MTAP: variants seen among roughly 807,000 people sequenced by gnomAD.
MTAP encodes methylthioadenosine phosphorylase, also known as S-methyl-5'-thioadenosine phosphorylase.
MTAP carries 33 observed loss-of-function variants against 33.6 expected under a neutral mutation model. That is an observed-to-expected ratio of 0.98 (90% CI 0.74 to 1.31). MTAP has a LOEUF of 1.31. Ranked by LOEUF, MTAP falls within the 40% of genes most tolerant of loss-of-function variation. The pLI, the probability that MTAP is intolerant of heterozygous loss-of-function variation, is 0.00. For synonymous variants in MTAP, 148 were observed against 125.7 expected, an observed-to-expected ratio of 1.18 and a Z score of -1.19; for missense variants, 367 against 360.0, an observed-to-expected ratio of 1.02 and a Z score of -0.16.
chr9:21,924,891 C>G (rs1818845161), intron 1 of MTAP, among the ~76,000 whole-genome samples: 1 of 152,232 alleles, frequency 6.6e-6, no homozygotes, highest in Non-Finnish European at 1.5e-5. Flanking sequence ...ACAAATGCAT[C>G]AAAGGGTTCC....
intron 1 of MTAP, among the ~76,000 whole-genome samples, chr9:21,898,699 G>T (rs1254978590): frequency 6.6e-6 from 1 of 152,166 alleles, no homozygotes; most frequent in East Asian, 1.9e-4. Flanking sequence ...TCTCACACCA[G>T]TTAGAATGGC....
chr9:21,889,493 G>T (rs1269446395), intron 1 of MTAP, among the ~76,000 whole-genome samples: 1 of 151,946 alleles, frequency 6.6e-6, no homozygotes, highest in African/African-American at 2.4e-5. Context: ...TTGTTTCTCT[G>T]TTTTCTTCTC....
rs1824530237 is a variant in MTAP at position 21,818,107 on chromosome 9, G to T, written c.252G>T (p.Glu84Asp). Reference sequence around the variant, plus strand: ...CGAACATCTGGGCTTTGAAGGAAGAGGGCTGTACACATGTCATAGTGACCA... The same window carrying T: ...CGAACATCTGGGCTTTGAAGGAAGATGGCTGTACACATGTCATAGTGACCA... Reference protein sequence around the residue: ...YQANIWALKEEGCTHVIVTTA... With the variant: ...YQANIWALKEDGCTHVIVTTA... The change falls in exon 4 of 8, where the codon GAG becomes GAT. Residue 84 changes from glutamate to aspartate, a missense_variant. Transcript: ENST00000644715. The T allele has an allele frequency of 6.2e-7, 1 of 1,613,848 alleles. No individual in the cohort carries two copies.
Position 21,888,510 on chromosome 9 carries a change from C to T in MTAP, c.147+33640C>T, listed in dbSNP as rs186348943. Among the ~76,000 whole-genome samples, 254 of 151,984 alleles carry T rather than the reference C, an allele frequency of 1.7e-3. 3 individuals are homozygous for T. Among genetic ancestry groups the T allele is most frequent in the Admixed American group, 0.014 (213 of 15,252 alleles). On this transcript the variant is annotated intron_variant, in intron 1 of 1. Coordinates refer to the MTAP transcript ENST00000577563. ...TAAAATTGGAACCTCCAGTGTTAGGCGTATATATATTTTGGATTATGATAT... is the reference window on the plus strand; with the variant it reads ...TAAAATTGGAACCTCCAGTGTTAGGTGTATATATATTTTGGATTATGATAT...
At chr9:21,917,702 A>G (rs1818713174) in intron 1 of MTAP, among the ~76,000 whole-genome samples, 1 of 152,190 alleles carries the variant, frequency 6.6e-6, no homozygotes, top group Non-Finnish European at 1.5e-5. Context: ...AAAGAACTAA[A>G]AGTAGAACTA....
intron 4 of MTAP, among the ~76,000 whole-genome samples, chr9:21,835,225 C>T (rs536316964): frequency 2.6e-5 from 4 of 152,286 alleles, no homozygotes; most frequent in Non-Finnish European, 4.4e-5. Flanking sequence ...CAAAAGGCTC[C>T]ATCTCCTAAT....
rs1825857031 is a variant in MTAP at position 21,866,583 on chromosome 9, T to G, written c.*4569T>G. ...TTATCTGTGAATCTGGATGATCTAT[T>G]TATGTCATTTATCTATGTGTCTCTT... On this transcript the variant is annotated 3_prime_UTR_variant, in exon 8 of 8. Transcript: ENST00000644715. 1 of 152,160 alleles carries G rather than the reference T, an allele frequency of 6.6e-6. No homozygotes were observed. Among genetic ancestry groups the G allele is most frequent in the African/African-American group, 2.4e-5 (1 of 41,464 alleles). The allele number at this position is 152,160 out of a possible 1,614,324, so 9.4% of individuals were successfully genotyped here.
At chr9:21,913,553 G>T (rs1818622798) in intron 1 of MTAP, among the ~76,000 whole-genome samples, 1 of 152,210 alleles carries the variant, frequency 6.6e-6, no homozygotes, top group Non-Finnish European at 1.5e-5. Context: ...AATAAATGGT[G>T]CTGGGAAAAC....
At chr9:21,905,887 A>C (rs145766989) in intron 1 of MTAP, among the ~76,000 whole-genome samples, 4 of 152,232 alleles carry the variant, frequency 2.6e-5, no homozygotes, top group Non-Finnish European at 5.9e-5. Flanking sequence ...GACAACACTT[A>C]TATTACCATA....
At chr9:21,904,108 C>T (rs1337100007) in intron 1 of MTAP, among the ~76,000 whole-genome samples, 1 of 152,136 alleles carries the variant, frequency 6.6e-6, no homozygotes, top group Non-Finnish European at 1.5e-5. Flanking sequence ...GGGCTGTCCT[C>T]CGACTGCCCT....
At chr9:21,849,496 A>G (rs1314958694) in intron 5 of MTAP, among the ~76,000 whole-genome samples, 1 of 152,162 alleles carries the variant, frequency 6.6e-6, no homozygotes, top group African/African-American at 2.4e-5. Flanking sequence ...CAGTGCCAGA[A>G]TGCATAACTG....
At chr9:21,893,550 G>A (rs931566087) in intron 1 of MTAP, 3 of 151,894 alleles carry the variant, frequency 2.0e-5, no homozygotes, top group Admixed American at 2.0e-4. Flanking sequence ...AAAGACAATC[G>A]GAAATGACCA....
At chr9:21,859,479 T>C (rs1181869712) in intron 7 of MTAP, 54 bp downstream of exon 7, 1 of 1,529,944 alleles carries the variant, frequency 6.5e-7, no homozygotes, top group Non-Finnish European at 8.8e-7. Context: ...TATTGTCTTC[T>C]TTTCTTACTT....
At chr9:21,810,481 A>G (rs1039952940) in intron 1 of MTAP, among the ~76,000 whole-genome samples, 3 of 152,162 alleles carry the variant, frequency 2.0e-5, no homozygotes, top group Non-Finnish European at 2.9e-5. Context: ...AACTAATCCA[A>G]CCCAATGAGA....
chr9:21,825,230 G>T (rs1164506580), intron 4 of MTAP, among the ~76,000 whole-genome samples: 1 of 152,092 alleles, frequency 6.6e-6, no homozygotes, highest in African/African-American at 2.4e-5. Context: ...TTCCTATTAG[G>T]CCATCTTGGA....
rs143061600 is a variant in MTAP, at chr9:21,806,296, T to C, written c.33+3515T>C. Among the ~76,000 whole-genome samples the C allele has an allele frequency of 7.4e-3, 1,128 of 151,952 alleles. 12 individuals carry two copies. Among genetic ancestry groups the C allele is most frequent in the African/African-American group, 0.025 (1,019 of 41,432 alleles). ...TTTGCAGGTAGAACACAGAGATGGA[T>C]AAGATGTGGGGAGTGCAGGAAGAAG... On this transcript the variant is annotated intron_variant, in intron 1 of 7. Transcript: ENST00000644715.
At chr9:21,821,484 G>C (rs565237880) in intron 4 of MTAP, among the ~76,000 whole-genome samples, 8 of 152,226 alleles carry the variant, frequency 5.3e-5, no homozygotes, top group South Asian at 2.1e-4. Flanking sequence ...CCCACTTGAT[G>C]ATGGTGGATA....
At chr9:21,811,769 A>G (rs1399652919) in intron 1 of MTAP, 3 of 529,470 alleles carry the variant, frequency 5.7e-6, no homozygotes, top group East Asian at 1.1e-4. Flanking sequence ...GTACCAGTAC[A>G]GGAAAGCTTT....
chr9:21,821,627 A>G (rs567227879), intron 4 of MTAP, among the ~76,000 whole-genome samples: 2 of 152,288 alleles, frequency 1.3e-5, no homozygotes, highest in Non-Finnish European at 2.9e-5. Context: ...TATCAGGATG[A>G]TGCTGGCCTC....
Sources: allele counts gnomAD v4.1 joint callset (sites outside exome capture counted in the v4.1 genomes callset), GRCh38; gene constraint gnomAD v4.1.1; transcripts MANE v1.5; gene names NCBI Gene and HGNC (gene_info 2026-07-23, HGNC 2026-07-21).